EHD4: variants seen among roughly 807,000 people sequenced by gnomAD.
EHD4 encodes the protein EH domain containing 4.
In EHD4, 37 loss-of-function variants were observed where a neutral mutation model predicts 51.0. The observed-to-expected ratio is 0.73, with a 90% CI of 0.56 to 0.95. EHD4 has a LOEUF of 0.95. EHD4 is among the 40% of genes least tolerant of loss of function. EHD4 has a pLI of 0.00. For missense variants in EHD4, 632 were observed against 733.1 expected, an observed-to-expected ratio of 0.86 and a Z score of 1.59; for synonymous variants, 297 against 317.3, an observed-to-expected ratio of 0.94 and a Z score of 0.68.
intron 4 of EHD4, among the ~76,000 whole-genome samples, chr15:41,911,903 G>A (rs947668844): frequency 1.3e-5 from 2 of 152,072 alleles, no homozygotes; most frequent in African/African-American, 2.4e-5. Context: ...CTTAGTTCCC[G>A]CTCATCTGGC....
At chr15:41,972,174 G>A in intron 1 of EHD4, 85 bp downstream of exon 1, 1 of 1,242,766 alleles carries the variant, frequency 8.0e-7, no homozygotes, top group Non-Finnish European at 1.0e-6. Context: ...GGCCGGGAGG[G>A]GCAGCGGCGG....
rs529392412 is a variant in EHD4 at position 41,897,055 on chromosome 15, T to C, written c.*3590A>G. 26 of 152,310 alleles carry C rather than the reference T, an allele frequency of 1.7e-4. No homozygotes were observed. Among genetic ancestry groups the C allele is most frequent in the Admixed American group, 1.7e-3 (26 of 15,292 alleles). 9.4% of individuals were successfully genotyped at this position (152,310 alleles called of 1,614,324 possible). ...TTTATTGATCAGCAGACTATGTCTT[T>C]TTGTTTGAAACTTCTAAATAAGATT... is the stretch of plus-strand genomic sequence containing the variant. On this transcript the variant is annotated 3_prime_UTR_variant, in exon 6 of 6. Transcript: ENST00000220325.
chr15:41,901,445 CCTT>C (rs1220516650), intron 5 of EHD4, among the ~76,000 whole-genome samples: 1 of 152,230 alleles, frequency 6.6e-6, no homozygotes, highest in Non-Finnish European at 1.5e-5. Context: ...CTCTGAGAAA[CCTT>C]CTTTCACCTG....
intron 5 of EHD4, among the ~76,000 whole-genome samples, chr15:41,907,241 C>T (rs145904293): frequency 5.4e-4 from 82 of 152,364 alleles, no homozygotes; most frequent in African/African-American, 1.8e-3. Context: ...GGCCACAGCT[C>T]AGGCTCTGTA....
At chr15:41,960,095 C>T (rs1227245546) in intron 1 of EHD4, among the ~76,000 whole-genome samples, 1 of 152,100 alleles carries the variant, frequency 6.6e-6, no homozygotes, top group Non-Finnish European at 1.5e-5. Context: ...ATAAATATTT[C>T]CTAGCAAAAC....
Position 41,940,446 on chromosome 15 carries a change from C to G in EHD4, c.511+2621G>C, listed in dbSNP as rs569528965. Among the ~76,000 whole-genome samples, 9 of 152,338 alleles carry G rather than the reference C, an allele frequency of 5.9e-5. No homozygotes were observed. The South Asian group carries it at 1.9e-3, about 32-fold the overall frequency. ...CGTTTGAGCTGAAGCTGCTTTACAA[C>G]AGTATGCATTCTTTGGGGTTAGTGT... On this transcript the variant is annotated intron_variant, in intron 3 of 5. Coordinates refer to ENST00000220325, the MANE Select transcript of EHD4 (RefSeq NM_139265.4).
At chr15:41,943,186 A>T (rs562741976) in intron 2 of EHD4, 22 bp from the exon 3 acceptor site, 1 of 1,556,126 alleles carries the variant, frequency 6.4e-7, no homozygotes. Context: ...GGATCAAAGG[A>T]GGGGTCAGAA....
chr15:41,972,167 C>G (rs2068000961), intron 1 of EHD4, 92 bp downstream of exon 1: 3 of 1,227,742 alleles, frequency 2.4e-6, no homozygotes, highest in Non-Finnish European at 1.0e-6. Flanking sequence ...TCGCGCCGGC[C>G]GGGAGGGGCA....
chr15:41,950,853 G>A (rs781184805), intron 2 of EHD4, among the ~76,000 whole-genome samples: 5 of 152,096 alleles, frequency 3.3e-5, no homozygotes, highest in Non-Finnish European at 7.4e-5. Context: ...CTTTGCTTTC[G>A]GCCTTCTCAT....
At position 41,932,857 on chromosome 15, in the gene EHD4, T is replaced by C. The variant is rs116219556; in HGVS notation, c.511+10210A>G. On this transcript the variant is annotated intron_variant, in intron 3 of 5. Coordinates refer to ENST00000220325, the MANE Select transcript of EHD4 (RefSeq NM_139265.4). ...TCTGAGTCCCAGGACTCGGCCATCCTCTGCCCTCCCCTGGGAAATGCTGAG... is the reference window on the plus strand; with the variant it reads ...TCTGAGTCCCAGGACTCGGCCATCCCCTGCCCTCCCCTGGGAAATGCTGAG... 4.5e-3 allele frequency among the ~76,000 whole-genome samples: 684 copies of C among 152,332 alleles called. 3 individuals carry two copies. Among genetic ancestry groups the C allele is most frequent in the African/African-American group, 0.015 (636 of 41,582 alleles).
chr15:41,927,407 C>T (rs550530650), intron 3 of EHD4, among the ~76,000 whole-genome samples: 53 of 152,276 alleles, frequency 3.5e-4, no homozygotes, highest in Non-Finnish European at 6.6e-4. Context: ...CATTGATGGA[C>T]GCTTTATGGC....
chr15:41,934,487 T>G (rs7171846), intron 3 of EHD4, among the ~76,000 whole-genome samples: 4,526 of 151,996 alleles, frequency 0.03, 224 homozygotes, highest in African/African-American at 0.1. Context: ...ACTAATTTAT[T>G]TTATTTTTTG....
In EHD4 at chr15:41,972,400, T is replaced by A. The variant is rs764761753; in HGVS notation, c.95A>T (p.Tyr32Phe). The A allele has an allele frequency of 6.2e-7, 1 of 1,610,304 alleles. No homozygotes were observed. Among genetic ancestry groups the A allele is most frequent in the Non-Finnish European group, 8.5e-7 (1 of 1,178,730 alleles). ...QTVTGGLRSL[Y>F]LRKVLPLEEA... is the part of the protein sequence containing the mutation. Reference sequence around the variant, plus strand: ...CTCCAGCGGCAGCACCTTGCGCAGGTAGAGCGAGCGCAGCCCGCCCGTCAC... The same window carrying A: ...CTCCAGCGGCAGCACCTTGCGCAGGAAGAGCGAGCGCAGCCCGCCCGTCAC... Residue 32 changes from tyrosine to phenylalanine, a missense_variant, in exon 1 of 6, where the codon TAC (tyrosine) becomes TTC (phenylalanine). Transcript: ENST00000220325.
intron 5 of EHD4, among the ~76,000 whole-genome samples, chr15:41,907,878 T>TGTGTA (rs1567243923): frequency 5.2e-5 from 7 of 134,122 alleles, no homozygotes; most frequent in South Asian, 4.7e-4. Flanking sequence ...GTGTATATAT[T>TGTGTA]TATTTATTTT....
chr15:41,932,932 C>A (rs761263949), intron 3 of EHD4, among the ~76,000 whole-genome samples: 4 of 152,222 alleles, frequency 2.6e-5, no homozygotes, highest in Non-Finnish European at 5.9e-5. Context: ...TCTGGGACCA[C>A]CCCAGTTCTA....
At chr15:41,964,102 GCCAC>G (rs2141009846) in intron 1 of EHD4, among the ~76,000 whole-genome samples, 1 of 127,506 alleles carries the variant, frequency 7.8e-6, no homozygotes, top group African/African-American at 3.0e-5. Context: ...CTGAGATCGC[GCCAC>G]TGCACTCCAG....
intron 3 of EHD4, among the ~76,000 whole-genome samples, chr15:41,926,334 G>A (rs1349338064): frequency 2.6e-5 from 4 of 152,208 alleles, no homozygotes; most frequent in South Asian, 4.1e-4. Context: ...TGGTGGTGAC[G>A]GAACACTGCC....
rs555485266 is a variant in EHD4, at chr15:41,950,767, CA to C, written c.413+2996del. ...CTGAGCAGAGGCATAGGGTGTGGGACAGGGGAGAAGGGGAACACTGGATTCC... is the reference window on the plus strand; with the variant it reads ...CTGAGCAGAGGCATAGGGTGTGGGACGGGGAGAAGGGGAACACTGGATTCC... On this transcript the variant is annotated intron_variant, in intron 2 of 5. Coordinates refer to ENST00000220325, the MANE Select transcript of EHD4 (RefSeq NM_139265.4). Among the ~76,000 whole-genome samples the C allele has an allele frequency of 1.3e-3, 204 of 152,254 alleles. 1 individual carries two copies. Among genetic ancestry groups the C allele is most frequent in the African/African-American group, 4.7e-3 (194 of 41,546 alleles).
At chr15:41,930,770 A>C (rs553875837) in intron 3 of EHD4, among the ~76,000 whole-genome samples, 234 of 152,338 alleles carry the variant, frequency 1.5e-3, no homozygotes, top group African/African-American at 5.5e-3. Flanking sequence ...GGCTTATGTC[A>C]CAGATGGAAA....
Sources: allele counts gnomAD v4.1 joint callset (sites outside exome capture counted in the v4.1 genomes callset), GRCh38; gene constraint gnomAD v4.1.1; transcripts MANE v1.5; gene names NCBI Gene and HGNC (gene_info 2026-07-23, HGNC 2026-07-21).